B4GALT6: variants seen among roughly 807,000 people sequenced by gnomAD.
B4GALT6 encodes the protein beta-1,4-galactosyltransferase 6.
B4GALT6 carries 14 observed loss-of-function variants against 46.3 expected under a neutral mutation model. The ratio of observed to expected loss-of-function variants is 0.30; its 90% confidence interval spans 0.20 to 0.47. The LOEUF is 0.47. B4GALT6 is among the 20% of genes least tolerant of loss of function. B4GALT6 has a pLI of 0.99. For synonymous variants in B4GALT6, 168 were observed against 162.0 expected, an observed-to-expected ratio of 1.04 and a Z score of -0.28; for missense variants, 386 against 480.1, an observed-to-expected ratio of 0.80 and a Z score of 1.83.
chr18:31,714,701 A>G, the B4GALT6 span, among the ~76,000 whole-genome samples: 1 of 152,238 alleles, frequency 6.6e-6, no homozygotes, highest in East Asian at 1.9e-4. Flanking sequence ...TTGGAAGTTG[A>G]TATTTACAAT....
Position 31,624,611 on chromosome 18 carries a change from A to G in B4GALT6, c.*1003T>C, listed in dbSNP as rs916715848. On this transcript the variant is annotated 3_prime_UTR_variant, in exon 9 of 9. Transcript: ENST00000306851. Reference sequence around the variant, plus strand: ...TATAAGTACTATTGGGTTTTCTTCCATAGATCATTCTTTTAAAAAAACTGA... The same window carrying G: ...TATAAGTACTATTGGGTTTTCTTCCGTAGATCATTCTTTTAAAAAAACTGA... The G allele has an allele frequency of 1.4e-4, 22 of 152,172 alleles. No individual in the cohort carries two copies. Among genetic ancestry groups the G allele is most frequent in the Admixed American group, 1.3e-3 (20 of 15,300 alleles). 9.4% of individuals were successfully genotyped at this position (152,172 alleles called of 1,614,324 possible).
chr18:31,660,097 T>C (rs949892971), intron 2 of B4GALT6, among the ~76,000 whole-genome samples: 10 of 151,662 alleles, frequency 6.6e-5, no homozygotes, highest in African/African-American at 2.4e-4. Context: ...TAGCTGGAAC[T>C]ACAATCATGC....
chr18:31,631,074 A>C lies in B4GALT6; in HGVS notation c.661T>G (p.Trp221Gly). The C allele has an allele frequency of 6.2e-7, 1 of 1,614,238 alleles. No homozygotes were observed. Among genetic ancestry groups the C allele is most frequent in the South Asian group, 1.1e-5 (1 of 91,088 alleles). ...GFKEAMKDSV[W>G]DCVIFHDVDH... ...ACATCGTGGAAGATTACACAGTCCC[A>C]GACACTGTCTTTCATGGCCTCTTTG... The change falls in exon 6 of 9, where the codon TGG becomes GGG. Residue 221 changes from tryptophan to glycine, a missense_variant. This residue lies in a region of B4GALT6 where 323 missense variants were observed against 438.9 expected (regional missense o/e 0.74). Coordinates refer to ENST00000306851, the MANE Select transcript of B4GALT6 (RefSeq NM_004775.5).
At chr18:31,632,001 CTTTA>C (rs200052686) in intron 5 of B4GALT6, among the ~76,000 whole-genome samples, 1,667 of 152,216 alleles carry the variant, frequency 0.011, 35 homozygotes, top group African/African-American at 0.038. Flanking sequence ...AACCATTTTC[CTTTA>C]TTTATCAGTG....
chr18:31,686,723 A>T (rs2144771132), upstream of B4GALT6: 1 of 152,372 alleles, frequency 6.6e-6, no homozygotes, highest in South Asian at 2.1e-4. Flanking sequence ...TGTAAAATAA[A>T]GAAAAACAAA....
the B4GALT6 span, among the ~76,000 whole-genome samples, chr18:31,702,177 A>G: frequency 6.6e-6 from 1 of 152,258 alleles, no homozygotes; most frequent in Non-Finnish European, 1.5e-5. Flanking sequence ...GACACTGTCA[A>G]TGGTAGTATA....
At chr18:31,707,032 A>G in the B4GALT6 span, among the ~76,000 whole-genome samples, 1 of 152,174 alleles carries the variant, frequency 6.6e-6, no homozygotes, top group Non-Finnish European at 1.5e-5. Flanking sequence ...CGACACAGAG[A>G]AACATACATT....
chr18:31,713,994 C>T, the B4GALT6 span, among the ~76,000 whole-genome samples: 1 of 152,190 alleles, frequency 6.6e-6, no homozygotes, highest in Non-Finnish European at 1.5e-5. Context: ...GTTTTTCCAA[C>T]AGTGCAAACT....
chr18:31,666,196 T>C, intron 2 of B4GALT6, 60 bp downstream of exon 2: 8 of 922,510 alleles, frequency 8.7e-6, no homozygotes, highest in Non-Finnish European at 1.3e-5. Flanking sequence ...CAAAACAGAC[T>C]GTAAAAGATT....
At chr18:31,685,072 C>G (rs2074530339), upstream of B4GALT6, among the ~76,000 whole-genome samples, 1 of 146,032 alleles carries the variant, frequency 6.8e-6, no homozygotes, top group South Asian at 2.1e-4. Flanking sequence ...TCGCCTGCAC[C>G]GAGCCGCCTC....
chr18:31,650,469 A>G (rs1423061571), intron 3 of B4GALT6, among the ~76,000 whole-genome samples: 3 of 152,224 alleles, frequency 2.0e-5, no homozygotes, highest in East Asian at 3.9e-4. Flanking sequence ...AAAAGCTTCT[A>G]GCTTTACAGG....
At position 31,624,790 on chromosome 18, in the gene B4GALT6, G is replaced by A. The variant is rs1431157277; in HGVS notation, c.*824C>T. Reference sequence around the variant, plus strand: ...GGCACAAAATCCCTGACACACCAGAGGTACATGGAAAGACATTTAACATAA... The same window carrying A: ...GGCACAAAATCCCTGACACACCAGAAGTACATGGAAAGACATTTAACATAA... On this transcript the variant is annotated 3_prime_UTR_variant, in exon 9 of 9. Coordinates refer to ENST00000306851, the MANE Select transcript of B4GALT6 (RefSeq NM_004775.5). The A allele has an allele frequency of 6.6e-6, 1 of 152,494 alleles. No individual in the cohort carries two copies. The highest frequency in any genetic ancestry group is 1.5e-5 in the Non-Finnish European group (1 of 67,998). 9.4% of individuals were successfully genotyped at this position (152,494 alleles called of 1,614,324 possible).
chr18:31,644,289 A>C (rs1481600091), intron 4 of B4GALT6, among the ~76,000 whole-genome samples: 5 of 152,274 alleles, frequency 3.3e-5, no homozygotes, highest in Non-Finnish European at 5.9e-5. Context: ...AACTGTGTTT[A>C]GTGCTTACCT....
Position 31,684,537 on chromosome 18 carries a change from G to C in B4GALT6, c.-111C>G, listed in dbSNP as rs1288959073. 1.3e-6 allele frequency: 2 copies of C among 1,502,346 alleles called. No homozygotes were observed. Among genetic ancestry groups the C allele is most frequent in the Admixed American group, 2.1e-5 (1 of 48,392 alleles). 93.1% of individuals were successfully genotyped at this position (1,502,346 alleles called of 1,614,324 possible). A position where few individuals can be genotyped will look rare whatever the true frequency, so the allele number is the denominator to read the frequency against. ...CTGAGAACCCCGAGACTGCAGCGGG[G>C]TCCGCGCGGGGAGGCTCTGGGGAGA... On this transcript the variant is annotated 5_prime_UTR_variant, in exon 1 of 9. Transcript: ENST00000306851.
rs2073651634 is a variant in B4GALT6, at chr18:31,623,940, C to A, written c.*1674G>T. 3 of 151,888 alleles carry A rather than the reference C, an allele frequency of 2.0e-5. No individual in the cohort carries two copies. In the South Asian group the frequency reaches 6.2e-4, roughly 32 times the overall value. The allele number at this position is 151,888 out of a possible 1,614,324, so 9.4% of individuals were successfully genotyped here. ...CCAAACGTTTCTCATATATAGATTT[C>A]TATTGCTCATCATTGTTGTTGAACA... On this transcript the variant is annotated 3_prime_UTR_variant, in exon 9 of 9. Coordinates refer to ENST00000306851, the MANE Select transcript of B4GALT6 (RefSeq NM_004775.5).
chr18:31,691,302 T>C, the B4GALT6 span, among the ~76,000 whole-genome samples: 7 of 9,518 alleles, frequency 7.4e-4, no homozygotes, highest in African/African-American at 1.3e-3. Context: ...CATATATATA[T>C]ATATATATAT....
At chr18:31,697,696 T>C in the B4GALT6 span, among the ~76,000 whole-genome samples, 1 of 152,180 alleles carries the variant, frequency 6.6e-6, no homozygotes, top group African/African-American at 2.4e-5. Flanking sequence ...AAATATCACA[T>C]GGATGAGGGG....
intron 1 of B4GALT6, among the ~76,000 whole-genome samples, chr18:31,679,990 G>C (rs1226608278): frequency 6.6e-6 from 1 of 152,116 alleles, no homozygotes; most frequent in East Asian, 1.9e-4. Context: ...GTCACTCTAA[G>C]ACAATGGACT....
At chr18:31,653,188 T>C (rs1053457489) in intron 3 of B4GALT6, among the ~76,000 whole-genome samples, 1 of 151,940 alleles carries the variant, frequency 6.6e-6, no homozygotes, top group Non-Finnish European at 1.5e-5. Flanking sequence ...GGCCCTCAGA[T>C]TCCTCAGTCC....
Sources: gnomAD v4.1 joint callset for allele counts (sites outside exome capture counted in the v4.1 genomes callset) on GRCh38, gnomAD v4.1.1 for gene constraint, gnomAD v4.1.1 regional missense constraint, MANE v1.5 for transcripts, NCBI Gene and HGNC (gene_info 2026-07-23, HGNC 2026-07-21) for gene names.